The following GALNT13 variants were observed in gnomAD, a reference collection of about 807,000 sequenced individuals.
GALNT13 encodes the protein UDP-GalNAc:polypeptide N-acetylgalactosaminyltransferase 13.
GALNT13 carries 28 observed loss-of-function variants against 64.2 expected under a neutral mutation model. The observed-to-expected ratio is 0.44, with a 90% CI of 0.32 to 0.60. The LOEUF is 0.60. GALNT13 is among the 20% of genes least tolerant of loss of function. The pLI is 0.05. For missense variants in GALNT13, 577 were observed against 669.8 expected, an observed-to-expected ratio of 0.86 and a Z score of 1.53; for synonymous variants, 214 against 224.6, an observed-to-expected ratio of 0.95 and a Z score of 0.42.
At chr2:153,465,098 T>C in the GALNT13 span, among the ~76,000 whole-genome samples, 2 of 152,126 alleles carry the variant, frequency 1.3e-5, no homozygotes. Flanking sequence ...TCAATCAGCA[T>C]TCAGAAAGGT....
At chr2:153,864,375 C>T in the GALNT13 span, among the ~76,000 whole-genome samples, 2 of 152,160 alleles carry the variant, frequency 1.3e-5, no homozygotes, top group African/African-American at 4.8e-5. Flanking sequence ...AAAGATTTAA[C>T]TGTTCATCAA....
chr2:154,252,419 C>A (rs893428323), intron 7 of GALNT13, among the ~76,000 whole-genome samples: 3 of 150,940 alleles, frequency 2.0e-5, no homozygotes, highest in African/African-American at 7.3e-5. Flanking sequence ...TACAGTGGCG[C>A]CATCTTGGCC....
chr2:153,129,073 C>T, the GALNT13 span, among the ~76,000 whole-genome samples: 110 of 152,272 alleles, frequency 7.2e-4, no homozygotes, highest in African/African-American at 2.6e-3. Flanking sequence ...CCTGAGCACA[C>T]ATGTTGGGAA....
the GALNT13 span, among the ~76,000 whole-genome samples, chr2:153,629,504 G>T: frequency 6.6e-6 from 1 of 152,020 alleles, no homozygotes; most frequent in South Asian, 2.1e-4. Context: ...AATTCAAGGT[G>T]GATTAAAGAC....
chr2:153,345,670 T>TCTTTCTTTCTTC, the GALNT13 span, among the ~76,000 whole-genome samples: 2 of 143,898 alleles, frequency 1.4e-5, no homozygotes, highest in African/African-American at 5.3e-5. Flanking sequence ...TTTCTTTCTT[T>TCTTTCTTTCTTC]CTTTCTTTCT....
the GALNT13 span, among the ~76,000 whole-genome samples, chr2:153,310,305 C>A: frequency 6.6e-6 from 1 of 152,052 alleles, no homozygotes; most frequent in Non-Finnish European, 1.5e-5. Flanking sequence ...GAATGTTGAA[C>A]CAACCATGCA....
At chr2:154,037,865 G>C (rs1414591390) in intron 3 of GALNT13, among the ~76,000 whole-genome samples, 1 of 152,084 alleles carries the variant, frequency 6.6e-6, no homozygotes. Context: ...TAAAAATATT[G>C]TAAGATGACT....
the GALNT13 span, among the ~76,000 whole-genome samples, chr2:153,803,485 G>T: frequency 6.6e-6 from 1 of 152,036 alleles, no homozygotes; most frequent in African/African-American, 2.4e-5. Flanking sequence ...GAGGTCAGGA[G>T]ATCGAGACCA....
At chr2:154,190,447 T>C (rs1163734242) in intron 4 of GALNT13, among the ~76,000 whole-genome samples, 3 of 152,178 alleles carry the variant, frequency 2.0e-5, no homozygotes, top group Non-Finnish European at 4.4e-5. Flanking sequence ...ATAGCACAAA[T>C]GGAAAGTATA....
the GALNT13 span, among the ~76,000 whole-genome samples, chr2:153,799,521 A>C: frequency 6.6e-6 from 1 of 152,294 alleles, no homozygotes; most frequent in South Asian, 2.1e-4. Context: ...GTCAGGTCTC[A>C]GAGGCTGGAA....
chr2:153,529,342 A>T, the GALNT13 span, among the ~76,000 whole-genome samples: 28 of 152,048 alleles, frequency 1.8e-4, no homozygotes, highest in Admixed American at 1.3e-4. Flanking sequence ...CACAGATATG[A>T]CCTGCCCAGA....
chr2:153,368,886 A>G, the GALNT13 span, among the ~76,000 whole-genome samples: 2 of 152,060 alleles, frequency 1.3e-5, no homozygotes, highest in Non-Finnish European at 2.9e-5. Flanking sequence ...TTTAAATTGT[A>G]TATTGAATAT....
chr2:153,091,180 C>T, the GALNT13 span, among the ~76,000 whole-genome samples: 1 of 152,036 alleles, frequency 6.6e-6, no homozygotes, highest in African/African-American at 2.4e-5. Context: ...TGGAAGATTC[C>T]TTCACCCTAT....
At chr2:154,292,045 A>AT (rs1396545635) in intron 8 of GALNT13, among the ~76,000 whole-genome samples, 3 of 151,900 alleles carry the variant, frequency 2.0e-5, no homozygotes, top group South Asian at 2.1e-4. Context: ...GGTAGTTGAG[A>AT]TTTTTCCTCT....
At chr2:153,817,101 A>G in the GALNT13 span, among the ~76,000 whole-genome samples, 3 of 152,214 alleles carry the variant, frequency 2.0e-5, no homozygotes, top group African/African-American at 7.2e-5. Flanking sequence ...GAAGTGCTAC[A>G]TTTAAGATCA....
At chr2:154,123,908 C>T (rs893436832) in intron 3 of GALNT13, among the ~76,000 whole-genome samples, 2 of 151,990 alleles carry the variant, frequency 1.3e-5, no homozygotes, top group Non-Finnish European at 2.9e-5. Context: ...CTTTAGAGTA[C>T]AATGCATATT....
At chr2:153,224,077 A>T in the GALNT13 span, among the ~76,000 whole-genome samples, 1 of 152,338 alleles carries the variant, frequency 6.6e-6, no homozygotes, top group Non-Finnish European at 1.5e-5. Flanking sequence ...AGAGATTCAA[A>T]ATGAATAACC....
At chr2:153,116,033 G>A in the GALNT13 span, among the ~76,000 whole-genome samples, 2 of 152,096 alleles carry the variant, frequency 1.3e-5, no homozygotes, top group East Asian at 3.9e-4. Flanking sequence ...ATTGATGTAT[G>A]GTTAAATTAA....
At chr2:153,677,930 T>C in the GALNT13 span, among the ~76,000 whole-genome samples, 1 of 151,850 alleles carries the variant, frequency 6.6e-6, no homozygotes, top group African/African-American at 2.4e-5. Flanking sequence ...ATAAAACCCT[T>C]GAAGAAAACC....
Sources: allele counts gnomAD v4.1 joint callset (sites outside exome capture counted in the v4.1 genomes callset), GRCh38; gene constraint gnomAD v4.1.1; transcripts MANE v1.5; gene names NCBI Gene and HGNC (gene_info 2026-07-23, HGNC 2026-07-21).